EXOC4: variants seen among roughly 807,000 people sequenced by gnomAD.
EXOC4 encodes SEC8-like 1.
EXOC4 carries 71 observed loss-of-function variants against 107.2 expected under a neutral mutation model. That is an observed-to-expected ratio of 0.66 (90% CI 0.55 to 0.81). The LOEUF is 0.81. EXOC4 is among the 30% of genes least tolerant of loss of function. The pLI, the probability that EXOC4 is intolerant of heterozygous loss-of-function variation, is 0.00. For missense variants in EXOC4, 1,108 were observed against 1,189.6 expected, an observed-to-expected ratio of 0.93 and a Z score of 1.01; for synonymous variants, 456 against 441.2, an observed-to-expected ratio of 1.03 and a Z score of -0.42.
intron 10 of EXOC4, among the ~76,000 whole-genome samples, chr7:133,754,408 C>A (rs1192021883): frequency 6.6e-6 from 1 of 152,102 alleles, no homozygotes; most frequent in East Asian, 1.9e-4. Context: ...AAAGGGCTAT[C>A]AGTAAAAGGT....
chr7:133,434,748 G>A (rs1349195399), intron 7 of EXOC4, among the ~76,000 whole-genome samples: 1 of 152,116 alleles, frequency 6.6e-6, no homozygotes, highest in Non-Finnish European at 1.5e-5. Flanking sequence ...GAAATGAGGT[G>A]CCTTTTATAC....
intron 4 of EXOC4, among the ~76,000 whole-genome samples, chr7:133,309,465 T>G (rs1794822536): frequency 6.6e-6 from 1 of 152,210 alleles, no homozygotes; most frequent in African/African-American, 2.4e-5. Flanking sequence ...AGTATTCTTT[T>G]TCCGAGCAAA....
At chr7:133,743,212 C>G (rs988250120) in intron 10 of EXOC4, among the ~76,000 whole-genome samples, 2 of 152,128 alleles carry the variant, frequency 1.3e-5, no homozygotes, top group Non-Finnish European at 2.9e-5. Context: ...GGTAATTAGG[C>G]TAAAGCTGCT....
intron 17 of EXOC4, among the ~76,000 whole-genome samples, chr7:134,020,680 C>G (rs893717269): frequency 5.3e-5 from 8 of 152,146 alleles, no homozygotes; most frequent in Non-Finnish European, 1.0e-4. Context: ...GTCACTTCAG[C>G]TCTCTTGGCT....
At chr7:133,982,451 C>T (rs1794010651) in intron 14 of EXOC4, among the ~76,000 whole-genome samples, 1 of 152,058 alleles carries the variant, frequency 6.6e-6, no homozygotes, top group South Asian at 2.1e-4. Flanking sequence ...ACTCGGGAGG[C>T]TGAGGCAGGA....
At chr7:133,344,196 T>TTA (rs750885001) in intron 5 of EXOC4, among the ~76,000 whole-genome samples, 6 of 152,094 alleles carry the variant, frequency 3.9e-5, no homozygotes, top group Non-Finnish European at 8.8e-5. Context: ...GTCCATATCT[T>TTA]TTCTTAGTTT....
intron 9 of EXOC4, among the ~76,000 whole-genome samples, chr7:133,540,291 T>C (rs1306426270): frequency 1.3e-5 from 2 of 152,200 alleles, no homozygotes; most frequent in Non-Finnish European, 2.9e-5. Context: ...ACTGGATTTC[T>C]TTTTTCTTCA....
At chr7:133,421,855 A>C (rs560821532) in intron 7 of EXOC4, among the ~76,000 whole-genome samples, 5 of 152,316 alleles carry the variant, frequency 3.3e-5, no homozygotes, top group South Asian at 2.1e-4. Context: ...TCATTCATTG[A>C]ATAGTCATTG....
At chr7:133,906,784 C>T (rs1275455007) in intron 12 of EXOC4, among the ~76,000 whole-genome samples, 1 of 152,228 alleles carries the variant, frequency 6.6e-6, no homozygotes, top group Non-Finnish European at 1.5e-5. Flanking sequence ...CACCAAGGGG[C>T]CTATTGCCGC....
At chr7:133,982,919 C>T (rs1400287563) in intron 14 of EXOC4, among the ~76,000 whole-genome samples, 2 of 152,168 alleles carry the variant, frequency 1.3e-5, no homozygotes, top group African/African-American at 4.8e-5. Context: ...GAGGTTGTAC[C>T]TGCTATTGCT....
intron 1 of EXOC4, among the ~76,000 whole-genome samples, chr7:133,263,484 C>T (rs1171785586): frequency 6.7e-6 from 1 of 148,160 alleles, no homozygotes; most frequent in Non-Finnish European, 1.5e-5. Flanking sequence ...CAAGCTCAAG[C>T]AATTCTTGTG....
chr7:133,492,091 G>A (rs1344912768), intron 9 of EXOC4, among the ~76,000 whole-genome samples: 2 of 152,148 alleles, frequency 1.3e-5, no homozygotes, highest in African/African-American at 2.4e-5. Context: ...TAGGAGAGTC[G>A]CATAATGAAA....
intron 10 of EXOC4, among the ~76,000 whole-genome samples, chr7:133,716,700 T>C (rs1403655568): frequency 1.6e-4 from 25 of 152,172 alleles, no homozygotes; most frequent in Admixed American, 1.6e-3. Flanking sequence ...CCCAGCACTT[T>C]GGGAGGACAA....
the EXOC4 span, among the ~76,000 whole-genome samples, chr7:134,097,299 TCTC>T: frequency 1.3e-5 from 2 of 151,844 alleles, no homozygotes; most frequent in East Asian, 1.9e-4. Context: ...CTCTTGGTCA[TCTC>T]CTCCATGATT....
intron 9 of EXOC4, among the ~76,000 whole-genome samples, chr7:133,599,904 TTTTTTTTTTTTG>T (rs1346560674): frequency 4.4e-5 from 5 of 112,672 alleles, no homozygotes; most frequent in East Asian, 2.2e-4. Context: ...TTTTTTTTTT[TTTTTTTTTTTTG>T]GGAGACAGGG....
At chr7:134,046,040 G>C (rs544827181) in intron 17 of EXOC4, among the ~76,000 whole-genome samples, 8 of 152,268 alleles carry the variant, frequency 5.3e-5, no homozygotes, top group Admixed American at 3.9e-4. Context: ...TTTTTCTGTA[G>C]GGGTGGGGAG....
At chr7:133,492,384 A>C (rs1563085776) in intron 9 of EXOC4, among the ~76,000 whole-genome samples, 2 of 152,190 alleles carry the variant, frequency 1.3e-5, no homozygotes, top group Non-Finnish European at 1.5e-5. Flanking sequence ...AGTAGTTTTT[A>C]TGGAGTGTTA....
chr7:133,505,985 T>C (rs1799658278), intron 9 of EXOC4, among the ~76,000 whole-genome samples: 2 of 152,142 alleles, frequency 1.3e-5, no homozygotes, highest in African/African-American at 2.4e-5. Context: ...TTCCTTTTTG[T>C]TATGTTCAAT....
chr7:133,436,440 A>G (rs1479356021), intron 7 of EXOC4, among the ~76,000 whole-genome samples: 1 of 152,132 alleles, frequency 6.6e-6, no homozygotes, highest in Non-Finnish European at 1.5e-5. Flanking sequence ...TCCAGTAATT[A>G]GAACCTTTCT....
Sources: allele counts gnomAD v4.1 joint callset (sites outside exome capture counted in the v4.1 genomes callset), GRCh38; gene constraint gnomAD v4.1.1; transcripts MANE v1.5; gene names NCBI Gene and HGNC (gene_info 2026-07-23, HGNC 2026-07-21).